The following GLCCI1 variants were observed in gnomAD, a reference collection of about 807,000 sequenced individuals.
The protein encoded by GLCCI1 is glucocorticoid induced 1, also known as glucocorticoid-induced transcript 1 protein.
In GLCCI1, 24 loss-of-function variants were observed where a neutral mutation model predicts 52.2. The observed-to-expected ratio is 0.46, with a 90% CI of 0.33 to 0.65. The LOEUF (loss-of-function observed/expected upper bound fraction) is 0.65. Ranked by LOEUF, GLCCI1 falls within the 30% of genes least tolerant of loss-of-function variation. The pLI, the probability that GLCCI1 is intolerant of heterozygous loss-of-function variation, is 0.02. For synonymous variants in GLCCI1, 310 were observed against 276.5 expected, an observed-to-expected ratio of 1.12 and a Z score of -1.20; for missense variants, 704 against 701.5, an observed-to-expected ratio of 1.00 and a Z score of -0.04.
chr7:8,077,357 C>CTT (rs1782896280), intron 6 of GLCCI1, among the ~76,000 whole-genome samples: 1 of 152,138 alleles, frequency 6.6e-6, no homozygotes, highest in African/African-American at 2.4e-5. Flanking sequence ...AGCCATAAGC[C>CTT]TTTAATTAGA....
At chr7:7,973,489 A>T (rs1780398440) in intron 1 of GLCCI1, among the ~76,000 whole-genome samples, 1 of 151,862 alleles carries the variant, frequency 6.6e-6, no homozygotes, top group Non-Finnish European at 1.5e-5. Context: ...TAAAAGATGT[A>T]AAAACAGTCA....
chr7:8,013,518 GTATT>G (rs1389869380), intron 2 of GLCCI1, among the ~76,000 whole-genome samples: 3 of 151,952 alleles, frequency 2.0e-5, no homozygotes, highest in Non-Finnish European at 4.4e-5. Context: ...CTAGTCTTGC[GTATT>G]TATTTTTCTC....
At chr7:8,058,983 G>T (rs1288853301) in intron 4 of GLCCI1, among the ~76,000 whole-genome samples, 3 of 152,182 alleles carry the variant, frequency 2.0e-5, no homozygotes, top group Non-Finnish European at 4.4e-5. Context: ...GAAAAAATAT[G>T]TTCAGTGTTC....
chr7:8,069,438 G>T (rs530309063), intron 5 of GLCCI1, among the ~76,000 whole-genome samples: 1 of 152,242 alleles, frequency 6.6e-6, no homozygotes, highest in South Asian at 2.1e-4. Context: ...AGTGGCAGAG[G>T]GGCTTTCGGT....
chr7:8,027,965 ATAT>A (rs1278961790), intron 3 of GLCCI1, among the ~76,000 whole-genome samples: 1 of 152,230 alleles, frequency 6.6e-6, no homozygotes, highest in East Asian at 1.9e-4. Flanking sequence ...TATAAAGCAA[ATAT>A]TATTAGAGCT....
intron 6 of GLCCI1, among the ~76,000 whole-genome samples, chr7:8,081,176 CG>C (rs1423542501): frequency 6.6e-6 from 1 of 152,070 alleles, no homozygotes; most frequent in Non-Finnish European, 1.5e-5. Context: ...TTCAGGTGCA[CG>C]TGGGAGCTTT....
In GLCCI1 at chr7:7,969,435, G is replaced by C. The variant is rs781703395; in HGVS notation, c.85G>C (p.Gly29Arg). The C allele has an allele frequency of 2.4e-6, 3 of 1,274,724 alleles. No individual in the cohort carries two copies. Among genetic ancestry groups the C allele is most frequent in the Non-Finnish European group, 3.0e-6 (3 of 1,004,818 alleles). 79.0% of individuals were successfully genotyped at this position (1,274,724 alleles called of 1,614,324 possible). Residue 29 changes from glycine (G) to arginine (R), a missense_variant, in exon 1 of 8, where the codon GGG becomes CGG. Physicochemically the swap from Gly to Arg is moderately radical, Grantham distance 125 (BLOSUM62 -2). Coordinates refer to ENST00000223145, the MANE Select transcript of GLCCI1 (RefSeq NM_138426.4). The surrounding 1 kb of genome is among the most constrained non-coding windows in gnomAD (Gnocchi z 4.9). ...GCAGAGGATGAGGCGCAGCGCCGCGGGGTCCCCGCCCGCCGTCGCCGCCGC... is the reference window on the plus strand; with the variant it reads ...GCAGAGGATGAGGCGCAGCGCCGCGCGGTCCCCGCCCGCCGTCGCCGCCGC... ...PSQRMRRSAA[G>R]SPPAVAAAGS...
intron 1 of GLCCI1, among the ~76,000 whole-genome samples, chr7:7,986,135 G>T (rs757607247): frequency 4.6e-5 from 7 of 152,106 alleles, no homozygotes; most frequent in Non-Finnish European, 8.8e-5. Flanking sequence ...GTTTTAAAGT[G>T]TATTCAATCT....
intron 2 of GLCCI1, among the ~76,000 whole-genome samples, chr7:8,007,006 G>C (rs1297187787): frequency 6.6e-6 from 1 of 152,184 alleles, no homozygotes; most frequent in African/African-American, 2.4e-5. Flanking sequence ...TAGATTACCT[G>C]GAGTATATTC....
At chr7:7,985,769 A>G (rs753203090) in intron 1 of GLCCI1, among the ~76,000 whole-genome samples, 108 of 152,344 alleles carry the variant, frequency 7.1e-4, no homozygotes, top group Non-Finnish European at 8.7e-4. Context: ...TTTCTTCTGA[A>G]TCATATAATA....
intron 3 of GLCCI1, among the ~76,000 whole-genome samples, chr7:8,034,411 C>T (rs1781821098): frequency 6.6e-6 from 1 of 152,000 alleles, no homozygotes; most frequent in African/African-American, 2.4e-5. Flanking sequence ...CAAAATACAC[C>T]ACTAAGAGAA....
At chr7:8,014,444 G>A (rs1205698204) in intron 2 of GLCCI1, among the ~76,000 whole-genome samples, 2 of 152,090 alleles carry the variant, frequency 1.3e-5, no homozygotes, top group Admixed American at 6.5e-5. Context: ...TTTTAATCAG[G>A]AATAATAATT....
At position 8,061,188 on chromosome 7, in the gene GLCCI1, C is replaced by G. The variant is rs558164134; in HGVS notation, c.966+940C>G. Among the ~76,000 whole-genome samples the G allele has an allele frequency of 9.2e-5, 14 of 151,756 alleles. No homozygotes were observed. The East Asian group carries it at 2.7e-3, about 29-fold the overall frequency. On this transcript the variant is annotated intron_variant, in intron 5 of 7. Coordinates refer to ENST00000223145, the MANE Select transcript of GLCCI1 (RefSeq NM_138426.4). ...GATCTCGGCTCACTGCAAGCTCTGC[C>G]TCCTGGGTTCACGCCATTCTCCTGC...
At chr7:8,039,452 A>G (rs1194922977) in intron 3 of GLCCI1, among the ~76,000 whole-genome samples, 1 of 152,218 alleles carries the variant, frequency 6.6e-6, no homozygotes, top group East Asian at 1.9e-4. Context: ...GAATACTATT[A>G]ATTCATAAAG....
intron 5 of GLCCI1, among the ~76,000 whole-genome samples, chr7:8,064,123 A>T (rs957471897): frequency 2.0e-5 from 3 of 152,056 alleles, no homozygotes; most frequent in African/African-American, 7.2e-5. Context: ...CCCATTTGTC[A>T]ATTTTTGTTT....
intron 2 of GLCCI1, among the ~76,000 whole-genome samples, chr7:8,015,443 A>G (rs1409563976): frequency 6.6e-6 from 1 of 152,212 alleles, no homozygotes; most frequent in Non-Finnish European, 1.5e-5. Flanking sequence ...TCTTCATGAA[A>G]TGGAAGCAAG....
At chr7:8,038,602 A>G (rs919960017) in intron 3 of GLCCI1, among the ~76,000 whole-genome samples, 1 of 152,214 alleles carries the variant, frequency 6.6e-6, no homozygotes, top group African/African-American at 2.4e-5. Context: ...ACAAAAATTA[A>G]CTCAAGATGG....
At position 8,087,380 on chromosome 7, in the gene GLCCI1, T is replaced by G. The variant is rs1282849908; in HGVS notation, c.*842T>G. 6.5e-6 allele frequency: 1 copy of G among 152,776 alleles called. No homozygotes were observed. Among genetic ancestry groups the G allele is most frequent in the South Asian group, 2.1e-4 (1 of 4,826 alleles). 9.5% of individuals were successfully genotyped at this position (152,776 alleles called of 1,614,324 possible). A position where few individuals can be genotyped will look rare whatever the true frequency, so the allele number is the denominator to read the frequency against. ...GCTTTTTTAAAAGTTCAGGTGTTGC[T>G]CAGTAAAGGACTGTGACAATGTTGC... On this transcript the variant is annotated 3_prime_UTR_variant, in exon 8 of 8. Transcript: ENST00000223145.
intron 3 of GLCCI1, among the ~76,000 whole-genome samples, chr7:8,031,183 T>C (rs989375520): frequency 3.9e-5 from 6 of 152,302 alleles, no homozygotes; most frequent in South Asian, 2.1e-4. Flanking sequence ...GTGGTACTTA[T>C]AGACAAAGCA....
Sources: allele counts gnomAD v4.1 joint callset (sites outside exome capture counted in the v4.1 genomes callset), GRCh38; gene constraint gnomAD v4.1.1; non-coding constraint Gnocchi (gnomAD v3.1); transcripts MANE v1.5; gene names NCBI Gene and HGNC (gene_info 2026-07-23, HGNC 2026-07-21).